Variants in LARGE1 observed in about 807,000 individuals in gnomAD.
LARGE1 encodes the protein xylosyl- and glucuronyltransferase LARGE1.
A neutral mutation model predicts 87.6 loss-of-function variants in LARGE1; 43 were observed. The observed-to-expected ratio is 0.49, with a 90% CI of 0.38 to 0.63. The LOEUF (loss-of-function observed/expected upper bound fraction) is 0.63. Ranked by LOEUF, LARGE1 falls within the 30% of genes least tolerant of loss-of-function variation. LARGE1 has a pLI of 0.00. For synonymous variants in LARGE1, 434 were observed against 394.6 expected (o/e 1.10, Z -1.18); for missense variants, 802 against 1,000.2 (o/e 0.80, Z 2.67).
chr22:33,396,726 C>G (rs5998914), intron 7 of LARGE1, among the ~76,000 whole-genome samples: 13 of 152,040 alleles, frequency 8.6e-5, no homozygotes, highest in Non-Finnish European at 1.9e-4. Flanking sequence ...TCTAGGCAGA[C>G]AGGGTGGGCT....
At chr22:33,087,490 T>C in the LARGE1 span, among the ~76,000 whole-genome samples, 10 of 152,210 alleles carry the variant, frequency 6.6e-5, no homozygotes, top group African/African-American at 2.4e-4. Flanking sequence ...AAGCAACATG[T>C]GTACCCAAAA....
intron 1 of LARGE1, among the ~76,000 whole-genome samples, chr22:33,785,246 T>C (rs1344350928): frequency 6.6e-6 from 1 of 151,870 alleles, no homozygotes; most frequent in African/African-American, 2.4e-5. Context: ...TACATATGTG[T>C]ATATATGCAT....
chr22:33,331,315 A>C (rs1937657622), intron 10 of LARGE1, among the ~76,000 whole-genome samples: 1 of 152,004 alleles, frequency 6.6e-6, no homozygotes, highest in South Asian at 2.1e-4. Flanking sequence ...TCTTGTTGTC[A>C]TTATCAATTT....
intron 6 of LARGE1, among the ~76,000 whole-genome samples, chr22:33,441,355 TG>T (rs1405048106): frequency 6.6e-6 from 1 of 152,052 alleles, no homozygotes; most frequent in Non-Finnish European, 1.5e-5. Context: ...ATTACAGACA[TG>T]AGCCACCACA....
At chr22:33,605,062 G>T (rs1036835606) in intron 4 of LARGE1, among the ~76,000 whole-genome samples, 3 of 151,236 alleles carry the variant, frequency 2.0e-5, no homozygotes, top group African/African-American at 7.3e-5. Flanking sequence ...TGGAGTCATC[G>T]GGAGCTCCCA....
chr22:33,253,929 A>T, intron 11 of LARGE1, among the ~76,000 whole-genome samples: 1 of 151,064 alleles, frequency 6.6e-6, no homozygotes, highest in African/African-American at 2.4e-5. Flanking sequence ...TTTTTAGTAA[A>T]AGAACGCTAA....
At chr22:33,349,899 G>C (rs1339235766) in intron 9 of LARGE1, among the ~76,000 whole-genome samples, 1 of 152,140 alleles carries the variant, frequency 6.6e-6, no homozygotes, top group Non-Finnish European at 1.5e-5. Context: ...CATTATCCAG[G>C]AAAGGGGAAG....
chr22:33,161,709 T>C (rs4455259), downstream of LARGE1, among the ~76,000 whole-genome samples: 64,158 of 152,054 alleles, frequency 0.42, 13,964 homozygotes, highest in South Asian at 0.68. Context: ...GAGGTGGGCT[T>C]TCACAGCCTT....
At chr22:33,381,820 C>T (rs2147111803) in intron 9 of LARGE1, 99 bp downstream of exon 9, 5 of 1,471,224 alleles carry the variant, frequency 3.4e-6, no homozygotes, top group Non-Finnish European at 4.7e-6. Flanking sequence ...TTATCTCTCT[C>T]ACCACATTGC....
intron 6 of LARGE1, among the ~76,000 whole-genome samples, chr22:33,547,281 T>C (rs1208016540): frequency 1.3e-5 from 2 of 152,158 alleles, no homozygotes; most frequent in Non-Finnish European, 2.9e-5. Flanking sequence ...AGATATCAGA[T>C]AATCAGGCAT....
intron 1 of LARGE1, among the ~76,000 whole-genome samples, chr22:33,815,011 C>T (rs2267292): frequency 0.25 from 37,419 of 152,026 alleles, 4,842 homozygotes; most frequent in East Asian, 0.38. Context: ...TGCTGCTTTC[C>T]GCAAGACACA....
At chr22:33,906,678 G>A (rs1048717232) in intron 1 of LARGE1, among the ~76,000 whole-genome samples, 2 of 152,150 alleles carry the variant, frequency 1.3e-5, no homozygotes, top group African/African-American at 4.8e-5. Context: ...GTGCAAGGTA[G>A]ACAGAAAACT....
intron 2 of LARGE1, among the ~76,000 whole-genome samples, chr22:33,666,572 G>A (rs895778005): frequency 6.6e-6 from 1 of 152,182 alleles, no homozygotes; most frequent in East Asian, 1.9e-4. Context: ...TGGGAGCAGG[G>A]AAGAGATGCA....
At position 33,363,941 on chromosome 22, in the gene LARGE1, G is replaced by T. The variant is rs1285088756; in HGVS notation, c.1131+17978C>A. On this transcript the variant is annotated intron_variant, in intron 9 of 14. Transcript: ENST00000397394. ...CTGAGCGGGATGGTGAGACCCTCTG[G>T]GTCCTCTTGGTGCCTGGACATTTCT... is the stretch of plus-strand genomic sequence containing the variant. 2.0e-5 allele frequency among the ~76,000 whole-genome samples: 3 copies of T among 149,598 alleles called. 1 individual carries two copies. The highest frequency in any genetic ancestry group is 4.5e-5 in the Non-Finnish European group (3 of 67,072).
chr22:33,293,074 G>A lies in LARGE1; in HGVS notation c.1731-9726C>T, dbSNP rs1159842271. 2.0e-5 allele frequency among the ~76,000 whole-genome samples: 3 copies of A among 152,330 alleles called. No individual in the cohort carries two copies. The South Asian group carries it at 6.2e-4, about 32-fold the overall frequency. On this transcript the variant is annotated intron_variant, in intron 12 of 14. Transcript: ENST00000397394. ...AAGACAGAAGCATACTCCTCTCTGTGTGCAGAGTCATGGAAGACTTCTCAT... is the reference window on the plus strand; with the variant it reads ...AAGACAGAAGCATACTCCTCTCTGTATGCAGAGTCATGGAAGACTTCTCAT...
the LARGE1 span, among the ~76,000 whole-genome samples, chr22:33,150,051 C>A: frequency 6.6e-6 from 1 of 152,168 alleles, no homozygotes; most frequent in East Asian, 1.9e-4. Flanking sequence ...AGAAATGGAC[C>A]CTTCTGGTCT....
At chr22:33,465,901 A>G (rs1304412490) in intron 6 of LARGE1, among the ~76,000 whole-genome samples, 2 of 152,122 alleles carry the variant, frequency 1.3e-5, no homozygotes, top group Non-Finnish European at 2.9e-5. Flanking sequence ...AGCCACCTCC[A>G]TCTGCAAATA....
At chr22:33,097,817 G>T in the LARGE1 span, among the ~76,000 whole-genome samples, 1 of 152,160 alleles carries the variant, frequency 6.6e-6, no homozygotes, top group Non-Finnish European at 1.5e-5. Context: ...CTCTCTCAGG[G>T]TTGTTGAGGA....
intron 6 of LARGE1, among the ~76,000 whole-genome samples, chr22:33,534,445 C>G (rs554331472): frequency 1.6e-3 from 246 of 151,986 alleles, no homozygotes; most frequent in South Asian, 0.01. Context: ...TGAAGTCACT[C>G]ACTGACTTCT....
Sources: allele counts gnomAD v4.1 joint callset (sites outside exome capture counted in the v4.1 genomes callset), GRCh38; gene constraint gnomAD v4.1.1; transcripts MANE v1.5; gene names NCBI Gene and HGNC (gene_info 2026-07-23, HGNC 2026-07-21).